Variants in CCDC102B observed in about 807,000 individuals in gnomAD.
The protein encoded by CCDC102B is coiled-coil domain-containing protein 102B.
A neutral mutation model predicts 57.4 loss-of-function variants in CCDC102B; 75 were observed. The observed-to-expected ratio is 1.31, with a 90% CI of 1.08 to 1.58. The LOEUF (loss-of-function observed/expected upper bound fraction) is 1.58, where lower values mean the gene tolerates loss of function less well. CCDC102B is among the 40% of genes most tolerant of loss of function. The pLI is 0.00. For synonymous variants in CCDC102B, 206 were observed against 201.9 expected (o/e 1.02, Z -0.17); for missense variants, 636 against 582.6 (o/e 1.09, Z -0.94).
intron 2 of CCDC102B, among the ~76,000 whole-genome samples, chr18:68,750,243 A>C (rs2033793479): frequency 1.3e-5 from 2 of 152,224 alleles, no homozygotes; most frequent in South Asian, 4.1e-4. Context: ...CCACAATGAG[A>C]TACCATCTCA....
chr18:68,980,400 A>T (rs2050548467), intron 6 of CCDC102B, among the ~76,000 whole-genome samples: 1 of 151,834 alleles, frequency 6.6e-6, no homozygotes, highest in Non-Finnish European at 1.5e-5. Context: ...TTGGTGAAAA[A>T]AAAAAAAAAA....
At chr18:68,840,280 C>T (rs1456089943) in intron 3 of CCDC102B, among the ~76,000 whole-genome samples, 1 of 152,006 alleles carries the variant, frequency 6.6e-6, no homozygotes, top group African/African-American at 2.4e-5. Context: ...TATTATATAA[C>T]AGTTTTAATT....
At chr18:69,038,911 C>T (rs1389364141) in intron 7 of CCDC102B, among the ~76,000 whole-genome samples, 3 of 151,920 alleles carry the variant, frequency 2.0e-5, no homozygotes, top group Admixed American at 6.6e-5. Context: ...TAAACATTAT[C>T]GAGTGGCTCA....
At chr18:68,972,007 T>C (rs555334212) in intron 6 of CCDC102B, among the ~76,000 whole-genome samples, 1 of 152,260 alleles carries the variant, frequency 6.6e-6, no homozygotes, top group South Asian at 2.1e-4. Context: ...ATGCCTAGTA[T>C]CTCAGCCAAG....
chr18:68,988,644 G>T (rs2050787280), intron 6 of CCDC102B, among the ~76,000 whole-genome samples: 1 of 152,016 alleles, frequency 6.6e-6, no homozygotes, highest in South Asian at 2.1e-4. Context: ...AAAGAGTACT[G>T]GAATCAATGA....
intron 2 of CCDC102B, among the ~76,000 whole-genome samples, chr18:68,765,110 C>G (rs1373518384): frequency 6.8e-6 from 1 of 147,738 alleles, no homozygotes; most frequent in Non-Finnish European, 1.5e-5. Context: ...GTCATCCCAG[C>G]TACTCTGGAG....
chr18:69,038,498 G>A, intron 7 of CCDC102B, among the ~76,000 whole-genome samples: 1 of 151,638 alleles, frequency 6.6e-6, no homozygotes, highest in East Asian at 1.9e-4. Context: ...TCATAATTTT[G>A]ATATTAACAT....
chr18:68,874,626 C>A, intron 4 of CCDC102B, 43 bp from the exon 5 acceptor site: 1 of 1,249,346 alleles, frequency 8.0e-7, no homozygotes, highest in Non-Finnish European at 1.2e-6. Flanking sequence ...TGTAACCACC[C>A]TATATAGCAT....
chr18:68,796,668 T>C (rs72958032), upstream of CCDC102B, among the ~76,000 whole-genome samples: 20,390 of 151,560 alleles, frequency 0.13, 1,565 homozygotes, highest in East Asian at 0.3. Flanking sequence ...TCAAAGAGGG[T>C]GAGAAGGGCC....
rs11380698 is a variant in CCDC102B, at chr18:68,940,015, A to AT, written c.1263+42593dup. Among the ~76,000 whole-genome samples, 768 of 151,354 alleles carry AT rather than the reference A, an allele frequency of 5.1e-3. 11 individuals carry two copies. The highest frequency in any genetic ancestry group is 0.017 in the African/African-American group (710 of 41,356). ...CTAACATAATATATGTTTCATTTCC[A>AT]TTTTTTCCAGGTCAAAATTCAAATA... On this transcript the variant is annotated intron_variant, in intron 6 of 7. Transcript: ENST00000360242.
At chr18:68,961,508 A>G (rs2050047751) in intron 6 of CCDC102B, among the ~76,000 whole-genome samples, 2 of 151,932 alleles carry the variant, frequency 1.3e-5, no homozygotes, top group Admixed American at 1.3e-4. Flanking sequence ...ATAAATATTC[A>G]TATGCAAATT....
intron 7 of CCDC102B, among the ~76,000 whole-genome samples, chr18:69,033,483 A>G (rs2052204215): frequency 1.3e-5 from 2 of 152,088 alleles, no homozygotes; most frequent in South Asian, 4.1e-4. Context: ...CTGTGAATCT[A>G]GTTTCCCTCT....
intron 2 of CCDC102B, among the ~76,000 whole-genome samples, chr18:68,733,506 A>ATATATATATTTTT (rs1286743067): frequency 1.1e-5 from 1 of 87,644 alleles, no homozygotes; most frequent in African/African-American, 5.5e-5. Context: ...ATATATATAT[A>ATATATATATTTTT]TTTTTTTAAC....
At chr18:68,740,668 A>G (rs992391076) in intron 2 of CCDC102B, among the ~76,000 whole-genome samples, 1 of 152,182 alleles carries the variant, frequency 6.6e-6, no homozygotes, top group Non-Finnish European at 1.5e-5. Flanking sequence ...AGTAGATCGC[A>G]TGAGTAACCC....
intron 2 of CCDC102B, among the ~76,000 whole-genome samples, chr18:68,746,654 T>G (rs375589914): frequency 1.3e-5 from 2 of 152,218 alleles, no homozygotes; most frequent in South Asian, 2.1e-4. Context: ...TATACCTTAG[T>G]GTTTAAATTT....
Position 69,054,835 on chromosome 18 carries a change from G to C in CCDC102B, c.*698G>C, listed in dbSNP as rs2052788831. On this transcript the variant is annotated 3_prime_UTR_variant, in exon 8 of 8. Transcript: ENST00000360242. ...ACAGTAAAATCATGGAAAGGCATCA[G>C]CATTGCAAAGTAGCATCTAGGTAGA... is the stretch of plus-strand genomic sequence containing the variant. 1 of 985,302 alleles carries C rather than the reference G, an allele frequency of 1.0e-6. No homozygotes were observed. The highest frequency in any genetic ancestry group is 4.7e-5 in the South Asian group (1 of 21,286). The allele number at this position is 985,302 out of a possible 1,614,324, so 61.0% of individuals were successfully genotyped here. A position where few individuals can be genotyped will look rare whatever the true frequency, so the allele number is the denominator to read the frequency against.
chr18:68,715,272 C>A, exon 1 of CCDC102B: 1 of 1,300,164 alleles, frequency 7.7e-7, no homozygotes, highest in Admixed American at 3.8e-5. Context: ...GGGAACCCTG[C>A]TTAAGGGCTT....
At chr18:68,908,212 G>A (rs945090943) in intron 6 of CCDC102B, 4 of 152,128 alleles carry the variant, frequency 2.6e-5, no homozygotes, top group African/African-American at 2.4e-5. Context: ...AGTTACATCT[G>A]TATTCATAAA....
At chr18:68,921,172 G>T (rs1209712584) in intron 6 of CCDC102B, among the ~76,000 whole-genome samples, 2 of 152,148 alleles carry the variant, frequency 1.3e-5, no homozygotes, top group African/African-American at 2.4e-5. Flanking sequence ...CTTAGTCCTT[G>T]ATATGGTTTG....
Sources: gnomAD v4.1 joint callset for allele counts (sites outside exome capture counted in the v4.1 genomes callset) on GRCh38, gnomAD v4.1.1 for gene constraint, MANE v1.5 for transcripts, NCBI Gene and HGNC (gene_info 2026-07-23, HGNC 2026-07-21) for gene names.